Variants in INTS10 observed in about 807,000 individuals in gnomAD.
The protein encoded by INTS10 is integrator complex subunit 10, also known as chromosome 8 open reading frame 35.
Under a neutral mutation model 94.4 loss-of-function variants are expected in INTS10, and 44 were observed. The observed-to-expected ratio is 0.47, with a 90% confidence interval of 0.37 to 0.60. The LOEUF (loss-of-function observed/expected upper bound fraction) is 0.60. Ranked by LOEUF, INTS10 falls within the 20% of genes least tolerant of loss-of-function variation. INTS10 has a pLI of 0.00. For missense variants in INTS10, 797 were observed against 868.7 expected (o/e 0.92, Z 1.04); for synonymous variants, 341 against 320.7 (o/e 1.06, Z -0.68).
chr8:19,829,567 G>A (rs2067069969), intron 9 of INTS10, among the ~76,000 whole-genome samples: 1 of 152,196 alleles, frequency 6.6e-6, no homozygotes, highest in Non-Finnish European at 1.5e-5. Context: ...TGCACTGGGG[G>A]AGGAGAGCGA....
intron 7 of INTS10, chr8:19,824,500 A>G (rs66493255): frequency 1.0e-3 from 11 of 11,048 alleles, no homozygotes; most frequent in African/African-American, 1.9e-3. Context: ...TCTAAAAAAG[A>G]AAAAAAAAAA....
At chr8:19,831,547 A>G (rs7819535) in intron 10 of INTS10, among the ~76,000 whole-genome samples, 30,080 of 151,984 alleles carry the variant, frequency 0.2, 3,208 homozygotes, top group Middle Eastern at 0.32. Flanking sequence ...AAACTTAGCC[A>G]AGAGTGATGG....
chr8:19,851,563 AG>A lies in INTS10; in HGVS notation c.1977-84del, dbSNP rs2069035121. ...CTGAAATTATACTTAGATATGGGGC[AG>A]GCTTTATTCCTACCCAAGTAGCAGC... On this transcript the variant is annotated intron_variant, in intron 16 of 16. Coordinates refer to ENST00000397977, the MANE Select transcript of INTS10 (RefSeq NM_018142.4). The surrounding 1 kb of genome is among the most constrained non-coding windows in gnomAD (Gnocchi z 5.0). The A allele has an allele frequency of 8.4e-7, 1 of 1,185,000 alleles. No individual in the cohort carries two copies. 73.4% of individuals were successfully genotyped at this position (1,185,000 alleles called of 1,614,324 possible).
Position 19,830,417 on chromosome 8 carries a change from T to C in INTS10, c.1152T>C (p.Asp384=), listed in dbSNP as rs200758678. 3.5e-4 allele frequency: 561 copies of C among 1,613,888 alleles called. 1 individual carries two copies. The African/African-American group carries it at 7.1e-3, about 20-fold the overall frequency. ...EGREKTMSSD[D]EDCSAKGRNR... ...CATTCTTTAAGCAGAGTTCAGACGATGAAGACTGTTCGGCGAAAGGAAGAA... is the reference window on the plus strand; with the variant it reads ...CATTCTTTAAGCAGAGTTCAGACGACGAAGACTGTTCGGCGAAAGGAAGAA... Residue 384 remains aspartate (D), a synonymous_variant, in exon 10 of 17, where the codon GAT becomes GAC. Coordinates refer to ENST00000397977, the MANE Select transcript of INTS10 (RefSeq NM_018142.4).
Position 19,823,965 on chromosome 8 carries a change from G to C in INTS10, c.757G>C (p.Val253Leu). Residue 253 changes from valine to leucine, a missense_variant, in exon 7 of 17, where the codon GTG becomes CTG. Val to Leu is a conservative substitution (Grantham distance 32). Around this residue, in one of 3 missense-constraint regions of INTS10, gnomAD observed 734 missense variants for 787.8 expected, o/e 0.93. Coordinates refer to ENST00000397977, the MANE Select transcript of INTS10 (RefSeq NM_018142.4). ...EGLTEKSSQI[V>L]DPWERLFKIL... The stretch of plus-strand genomic sequence containing the variant: ...GCTGACGGAAAAATCATCCCAGATC[G>C]TGGACCCTTGGGAGAGGTTGTTTAA... 1.2e-6 allele frequency: 2 copies of C among 1,613,578 alleles called. No homozygotes were observed. The highest frequency in any genetic ancestry group is 1.7e-6 in the Non-Finnish European group (2 of 1,179,604).
intron 2 of INTS10, 191 bp downstream of exon 2, chr8:19,818,533 T>A: frequency 1.7e-6 from 1 of 574,576 alleles, no homozygotes; most frequent in Non-Finnish European, 3.1e-6. Flanking sequence ...AGTTTAATTA[T>A]TATTCTTATG....
At chr8:19,817,780 C>T in intron 1 of INTS10, 114 bp downstream of exon 1, 3 of 1,363,160 alleles carry the variant, frequency 2.2e-6, no homozygotes, top group South Asian at 1.4e-5. Flanking sequence ...CCTGCCCGGC[C>T]CCCTGCTTTC....
Position 19,845,709 on chromosome 8 carries a change from G to A in INTS10, c.1888G>A (p.Asp630Asn). 1.2e-6 allele frequency: 2 copies of A among 1,611,694 alleles called. No individual in the cohort carries two copies. The highest frequency in any genetic ancestry group is 8.5e-7 in the Non-Finnish European group (1 of 1,177,820). The change falls in exon 16 of 17, where the codon GAT becomes AAT. Residue 630 changes from aspartate to asparagine, a missense_variant. Asp to Asn is a conservative substitution (Grantham distance 23). Coordinates refer to ENST00000397977, the MANE Select transcript of INTS10 (RefSeq NM_018142.4). ...AACCTGAATCTGGCCTGCAGATATT[G>A]ATATGCTGGAGGAATTTGCCTACTT... ...ENFFNYVTNIDMLEEFAYLRT... is the reference protein window; with the variant it reads ...ENFFNYVTNINMLEEFAYLRT...
intron 15 of INTS10, among the ~76,000 whole-genome samples, chr8:19,844,964 C>A (rs530960009): frequency 6.6e-6 from 1 of 151,806 alleles, no homozygotes; most frequent in Non-Finnish European, 1.5e-5. Flanking sequence ...GTGGTGTGAT[C>A]ATAGCTCACT....
intron 5 of INTS10, among the ~76,000 whole-genome samples, chr8:19,822,760 G>C (rs1489883074): frequency 1.3e-5 from 2 of 151,990 alleles, no homozygotes; most frequent in East Asian, 3.9e-4. Context: ...GACCATCCTG[G>C]CCAACATGGT....
At chr8:19,817,738 C>A (rs945861467) in intron 1 of INTS10, 72 bp downstream of exon 1, 12 of 1,531,312 alleles carry the variant, frequency 7.8e-6, no homozygotes, top group African/African-American at 1.4e-5. Context: ...CTGCCCTGGC[C>A]CAGAGCTGCG....
chr8:19,829,827 C>T (rs545688763), intron 9 of INTS10, among the ~76,000 whole-genome samples: 2 of 152,244 alleles, frequency 1.3e-5, no homozygotes, highest in East Asian at 1.9e-4. Context: ...TGCCACCATG[C>T]CCGGCTGACT....
chr8:19,839,557 G>C lies in INTS10; in HGVS notation c.1639+2397G>C, dbSNP rs529777822. The stretch of plus-strand genomic sequence containing the variant: ...CTACAAAAAATTTAAAAATCAGTCA[G>C]GCTTAGTGGTGTGCACCTGTAGTTC... On this transcript the variant is annotated intron_variant, in intron 13 of 16. Coordinates refer to ENST00000397977, the MANE Select transcript of INTS10 (RefSeq NM_018142.4). Among the ~76,000 whole-genome samples the C allele has an allele frequency of 3.9e-5, 6 of 152,160 alleles. No homozygotes were observed. The South Asian group carries it at 1.2e-3, about 32-fold the overall frequency.
chr8:19,823,586 C>T (rs867335318), intron 6 of INTS10, 145 bp downstream of exon 6: 10 of 670,264 alleles, frequency 1.5e-5, no homozygotes, highest in Non-Finnish European at 2.0e-5. Context: ...AAAAAAAATA[C>T]TAAAAGATGA....
intron 8 of INTS10, 67 bp downstream of exon 8, chr8:19,825,039 A>C: frequency 7.7e-7 from 1 of 1,291,860 alleles, no homozygotes; most frequent in Non-Finnish European, 1.1e-6. Context: ...AGGAAAATGA[A>C]AGTGTTTATC....
In INTS10 at chr8:19,824,982, C is replaced by T; in HGVS notation, c.1006+10C>T. ...CCATCTCTCTTCCAAGGTTGGTTTA[C>T]AAATTTTAGAGTGTCCAAAAAGCCA... On this transcript the variant is annotated intron_variant, in intron 8 of 16. Coordinates refer to ENST00000397977, the MANE Select transcript of INTS10 (RefSeq NM_018142.4). 1 of 1,612,472 alleles carries T rather than the reference C, an allele frequency of 6.2e-7. No individual in the cohort carries two copies. Among genetic ancestry groups the T allele is most frequent in the South Asian group, 1.1e-5 (1 of 90,856 alleles).
At chr8:19,839,024 A>C (rs2067902205) in intron 13 of INTS10, among the ~76,000 whole-genome samples, 1 of 152,026 alleles carries the variant, frequency 6.6e-6, no homozygotes, top group African/African-American at 2.4e-5. Context: ...GTAAGCTGAG[A>C]TTGCGCCACT....
In INTS10 at chr8:19,849,531, T is replaced by C. The variant is rs2068848737; in HGVS notation, c.1977-2118T>C. Among the ~76,000 whole-genome samples, 1 of 152,218 alleles carries C rather than the reference T, an allele frequency of 6.6e-6. No individual in the cohort carries two copies. Among genetic ancestry groups the C allele is most frequent in the African/African-American group, 2.4e-5 (1 of 41,446 alleles). On this transcript the variant is annotated intron_variant, in intron 16 of 16. Transcript: ENST00000397977. This position sits in a 1 kb window ranked among gnomAD's most constrained non-coding sequence, Gnocchi z 4.6. ...AGTGCACATTAGCTTAGGTGCACCA[T>C]GATTCTCTTTTGATAAAACGTTAAG...
rs112331390 is a variant in INTS10, at chr8:19,843,334, G to A, written c.1719+407G>A. On this transcript the variant is annotated intron_variant, in intron 14 of 16. Coordinates refer to ENST00000397977, the MANE Select transcript of INTS10 (RefSeq NM_018142.4). The surrounding 1 kb of genome is among the most constrained non-coding windows in gnomAD (Gnocchi z 4.7). ...ATGTTAGGTGTTGAGATCAACACCA[G>A]TAACAGCCCAACAGTTGGGAAAGTT... Among the ~76,000 whole-genome samples the A allele has an allele frequency of 4.2e-4, 64 of 152,314 alleles. No individual in the cohort carries two copies. The highest frequency in any genetic ancestry group is 5.8e-4 in the East Asian group (3 of 5,176).
Sources: gnomAD v4.1 joint callset for allele counts (sites outside exome capture counted in the v4.1 genomes callset) on GRCh38, gnomAD v4.1.1 for gene constraint, gnomAD v4.1.1 regional missense constraint, Gnocchi (gnomAD v3.1) non-coding constraint, MANE v1.5 for transcripts, NCBI Gene and HGNC (gene_info 2026-07-23, HGNC 2026-07-21) for gene names.